GPC5: variants seen among roughly 807,000 people sequenced by gnomAD.
The protein encoded by GPC5 is glypican-5.
In GPC5, 47 loss-of-function variants were observed where a neutral mutation model predicts 53.9. The observed-to-expected ratio is 0.87, with a 90% CI of 0.69 to 1.11. The LOEUF (loss-of-function observed/expected upper bound fraction) is 1.11, where lower values mean the gene tolerates loss of function less well. GPC5 is among the 50% of genes most tolerant of loss of function. The pLI is 0.00. For missense variants in GPC5, 748 were observed against 713.1 expected, an observed-to-expected ratio of 1.05 and a Z score of -0.56; for synonymous variants, 286 against 263.3, an observed-to-expected ratio of 1.09 and a Z score of -0.84.
chr13:92,210,322 A>G (rs1329323834), intron 7 of GPC5, among the ~76,000 whole-genome samples: 1 of 152,176 alleles, frequency 6.6e-6, no homozygotes, highest in East Asian at 1.9e-4. Flanking sequence ...CTGATTTCCT[A>G]CTAAATGACT....
At chr13:92,257,707 C>T (rs918400517) in intron 7 of GPC5, among the ~76,000 whole-genome samples, 2 of 151,720 alleles carry the variant, frequency 1.3e-5, no homozygotes, top group African/African-American at 2.4e-5. Context: ...GGCACCACCA[C>T]ACCCGGCTCA....
intron 7 of GPC5, among the ~76,000 whole-genome samples, chr13:92,266,479 C>T (rs1352795927): frequency 1.3e-5 from 2 of 151,406 alleles, no homozygotes; most frequent in Non-Finnish European, 2.9e-5. Context: ...ATATAGGAAG[C>T]AAAAAAAATA....
intron 7 of GPC5, among the ~76,000 whole-genome samples, chr13:92,783,606 C>G (rs1228432053): frequency 6.6e-6 from 1 of 152,168 alleles, no homozygotes; most frequent in East Asian, 1.9e-4. Flanking sequence ...CCTTCATAAT[C>G]AAAGGGCCAG....
rs140220722 is a variant in GPC5, at chr13:92,172,658, G to C, written c.1561+27669G>C. Among the ~76,000 whole-genome samples the C allele has an allele frequency of 1.1e-3, 163 of 152,130 alleles. 1 individual carries two copies. The highest frequency in any genetic ancestry group is 1.6e-3 in the Non-Finnish European group (111 of 68,008). On this transcript the variant is annotated intron_variant, in intron 7 of 7. Coordinates refer to ENST00000377067, the MANE Select transcript of GPC5 (RefSeq NM_004466.6). ...TTTCATTTAACTTATGTGTCACCTT[G>C]AAAATATTTTCAGAGAAAGAGCCAT...
chr13:92,307,691 C>G (rs964487196), intron 7 of GPC5, among the ~76,000 whole-genome samples: 1 of 152,152 alleles, frequency 6.6e-6, no homozygotes, highest in Non-Finnish European at 1.5e-5. Context: ...CTCTCATCTG[C>G]CCTGCAACAA....
chr13:92,270,655 A>G (rs150777315), intron 7 of GPC5, among the ~76,000 whole-genome samples: 1 of 152,356 alleles, frequency 6.6e-6, no homozygotes, highest in East Asian at 1.9e-4. Flanking sequence ...ACTCCTCATT[A>G]GGTAGTAACA....
intron 7 of GPC5, among the ~76,000 whole-genome samples, chr13:92,593,474 T>G (rs1566309860): frequency 6.6e-6 from 1 of 151,222 alleles, no homozygotes; most frequent in Non-Finnish European, 1.5e-5. Flanking sequence ...ATCCAGAGAA[T>G]CATGTTAAGT....
chr13:91,746,844 A>T (rs1295259244), intron 4 of GPC5, among the ~76,000 whole-genome samples: 2 of 152,220 alleles, frequency 1.3e-5, no homozygotes, highest in Non-Finnish European at 2.9e-5. Context: ...TATTAACCTG[A>T]AAGGGCTTCA....
intron 7 of GPC5, among the ~76,000 whole-genome samples, chr13:92,350,830 A>G (rs1310879017): frequency 1.3e-5 from 2 of 152,154 alleles, no homozygotes; most frequent in Non-Finnish European, 2.9e-5. Context: ...ATAGTTTTTA[A>G]AAGACCAAGA....
At chr13:92,590,889 G>C (rs1883691631) in intron 7 of GPC5, among the ~76,000 whole-genome samples, 1 of 152,128 alleles carries the variant, frequency 6.6e-6, no homozygotes, top group Non-Finnish European at 1.5e-5. Context: ...TTTTCTCATT[G>C]TATGATAACA....
chr13:92,237,008 C>T (rs1214156444), intron 7 of GPC5, among the ~76,000 whole-genome samples: 1 of 152,020 alleles, frequency 6.6e-6, no homozygotes, highest in Non-Finnish European at 1.5e-5. Flanking sequence ...TAATACATTT[C>T]CTTTTCTCTG....
intron 7 of GPC5, among the ~76,000 whole-genome samples, chr13:92,433,659 A>G (rs1316588989): frequency 6.6e-6 from 1 of 152,176 alleles, no homozygotes; most frequent in African/African-American, 2.4e-5. Context: ...CAGGCACAGT[A>G]GTAGAGAAAT....
intron 7 of GPC5, among the ~76,000 whole-genome samples, chr13:92,644,807 G>T (rs562802909): frequency 8.3e-4 from 126 of 151,822 alleles, no homozygotes; most frequent in Middle Eastern, 3.4e-3. Context: ...ACATGGTGGA[G>T]AATTATAAAA....
At chr13:92,539,524 T>C (rs2139000194) in intron 7 of GPC5, among the ~76,000 whole-genome samples, 1 of 152,260 alleles carries the variant, frequency 6.6e-6, no homozygotes, top group Non-Finnish European at 1.5e-5. Flanking sequence ...TTGTTTATTT[T>C]TTTCTTGTAA....
intron 6 of GPC5, among the ~76,000 whole-genome samples, chr13:92,041,017 AT>A (rs1488959890): frequency 2.0e-5 from 3 of 151,332 alleles, no homozygotes; most frequent in Admixed American, 1.3e-4. Context: ...CACCCGGATA[AT>A]TTTTTGTATT....
chr13:91,543,627 G>A (rs1023456993), intron 2 of GPC5, among the ~76,000 whole-genome samples: 1 of 152,100 alleles, frequency 6.6e-6, no homozygotes, highest in African/African-American at 2.4e-5. Context: ...TCTCTTCTGT[G>A]CATTGATAAA....
intron 2 of GPC5, among the ~76,000 whole-genome samples, chr13:91,534,951 A>T (rs553834651): frequency 6.6e-6 from 1 of 152,238 alleles, no homozygotes; most frequent in Non-Finnish European, 1.5e-5. Context: ...TAAATATGTT[A>T]ATTATCTAGT....
In GPC5 at chr13:92,163,068, A is replaced by T. The variant is rs146794198; in HGVS notation, c.1561+18079A>T. ...GCTCAGAAAAGTCTATGTTAAGTTA[A>T]TGTATGAATATATGAATGAGTGAAG... is the stretch of plus-strand genomic sequence containing the variant. On this transcript the variant is annotated intron_variant, in intron 7 of 7. Transcript: ENST00000377067. Among the ~76,000 whole-genome samples, 4 of 152,272 alleles carry T rather than the reference A, an allele frequency of 2.6e-5. No homozygotes were observed. In the East Asian group the frequency reaches 7.7e-4, roughly 29 times the overall value.
At chr13:91,924,727 T>C (rs2039750278) in intron 6 of GPC5, among the ~76,000 whole-genome samples, 1 of 151,982 alleles carries the variant, frequency 6.6e-6, no homozygotes, top group Admixed American at 6.6e-5. Context: ...GGTGACATAG[T>C]GAGATCTTGT....
Sources: allele counts gnomAD v4.1 joint callset (sites outside exome capture counted in the v4.1 genomes callset), GRCh38; gene constraint gnomAD v4.1.1; transcripts MANE v1.5; gene names NCBI Gene and HGNC (gene_info 2026-07-23, HGNC 2026-07-21).